The following FHOD3 variants were observed in gnomAD, a reference collection of about 807,000 sequenced individuals.
FHOD3 encodes formin homology 2 domain containing 3, also known as FH1/FH2 domain-containing protein 3.
A neutral mutation model predicts 173.0 loss-of-function variants in FHOD3; 90 were observed. That is an observed-to-expected ratio of 0.52 (90% CI 0.44 to 0.62). The LOEUF (loss-of-function observed/expected upper bound fraction) is 0.62, where lower values mean the gene tolerates loss of function less well. FHOD3 is among the 20% of genes least tolerant of loss of function. The probability of loss-of-function intolerance (pLI) is 0.00; values close to 1 mark genes in which losing one functional copy is unlikely to be tolerated. For synonymous variants in FHOD3, 828 were observed against 823.0 expected (o/e 1.01, Z -0.10); for missense variants, 1,945 against 2,034.7 (o/e 0.96, Z 0.85).
chr18:36,502,378 C>T (rs570044659), intron 4 of FHOD3, among the ~76,000 whole-genome samples: 2 of 152,100 alleles, frequency 1.3e-5, no homozygotes, highest in Non-Finnish European at 2.9e-5. Context: ...AGGTATTTCT[C>T]CTAATGCTAT....
At position 36,652,740 on chromosome 18, in the gene FHOD3, C is replaced by G; in HGVS notation, c.1457C>G (p.Ser486Cys). The change falls in exon 12 of 29, where the codon TCT (serine) becomes TGT (cysteine). Residue 486 changes from serine to cysteine, a missense_variant. Ser to Cys is a moderately radical substitution (Grantham distance 112, BLOSUM62 -1). This residue lies in a region of FHOD3 where 1,099 missense variants were observed against 1,051.2 expected (regional missense o/e 1.05). Coordinates refer to ENST00000590592, the MANE Select transcript of FHOD3 (RefSeq NM_001281740.3). ...SGSSGSEATP[S>C]ALLSPPASAA... ...TCCTCTGGGTCTGAGGCCACCCCAT[C>G]TGCCCTCCTGTCACCCCCTGCCTCA... 3 of 1,535,920 alleles carry G rather than the reference C, an allele frequency of 2.0e-6. No homozygotes were observed. Among genetic ancestry groups the G allele is most frequent in the Admixed American group, 2.0e-5 (1 of 50,992 alleles).
chr18:36,724,077 T>A (rs1307415744), intron 19 of FHOD3, among the ~76,000 whole-genome samples: 1 of 152,170 alleles, frequency 6.6e-6, no homozygotes, highest in African/African-American at 2.4e-5. Flanking sequence ...CAAGTTTGAG[T>A]CTTTACTTGC....
intron 4 of FHOD3, among the ~76,000 whole-genome samples, chr18:36,508,567 A>G (rs1326341116): frequency 6.6e-6 from 1 of 151,916 alleles, no homozygotes. Flanking sequence ...TAAGGGTGAT[A>G]ATTGCACTGG....
chr18:36,391,301 G>A (rs1164268902), intron 3 of FHOD3, among the ~76,000 whole-genome samples: 1 of 152,136 alleles, frequency 6.6e-6, no homozygotes, highest in Admixed American at 6.5e-5. Context: ...CATGGAACAG[G>A]GAGAGGCCAT....
At chr18:36,574,234 T>C (rs1269571153) in intron 5 of FHOD3, among the ~76,000 whole-genome samples, 1 of 152,238 alleles carries the variant, frequency 6.6e-6, no homozygotes, top group Non-Finnish European at 1.5e-5. Flanking sequence ...CCACCAGCAA[T>C]GCATGAAGTT....
rs111840348 is a variant in FHOD3 at position 36,703,996 on chromosome 18, C to G, written c.2237-5099C>G. On this transcript the variant is annotated intron_variant, in intron 17 of 28. Coordinates refer to ENST00000590592, the MANE Select transcript of FHOD3 (RefSeq NM_001281740.3). ...AAGAATTCCTTTTAGTGGCTGTGTT[C>G]TGGTTATGGGTCCTTCCCCACAGGG... is the stretch of plus-strand genomic sequence containing the variant. Among the ~76,000 whole-genome samples the G allele has an allele frequency of 9.9e-4, 151 of 152,240 alleles. 1 individual carries two copies. Among genetic ancestry groups the G allele is most frequent in the African/African-American group, 3.5e-3 (146 of 41,526 alleles).
chr18:36,767,839 T>C (rs924420858), intron 27 of FHOD3, among the ~76,000 whole-genome samples: 5 of 152,130 alleles, frequency 3.3e-5, no homozygotes, highest in Non-Finnish European at 2.9e-5. Context: ...CACACACATA[T>C]ATATGAAAAT....
intron 2 of FHOD3, among the ~76,000 whole-genome samples, chr18:36,365,594 A>T (rs773504989): frequency 3.3e-5 from 5 of 152,168 alleles, no homozygotes; most frequent in Non-Finnish European, 5.9e-5. Flanking sequence ...AAAAAGTTAG[A>T]TTGTAATGAC....
At chr18:36,489,116 G>A (rs1480120135) in intron 3 of FHOD3, among the ~76,000 whole-genome samples, 11 of 152,140 alleles carry the variant, frequency 7.2e-5, no homozygotes, top group Admixed American at 7.2e-4. Flanking sequence ...CCTTGAGCTA[G>A]GGTGGTTTTT....
chr18:36,735,221 T>C (rs950760461), intron 20 of FHOD3, among the ~76,000 whole-genome samples: 4 of 152,162 alleles, frequency 2.6e-5, no homozygotes, highest in African/African-American at 7.2e-5. Context: ...GAAGTTTTCT[T>C]TGGCCACAGA....
chr18:36,459,282 A>G (rs1202751450), intron 3 of FHOD3, among the ~76,000 whole-genome samples: 1 of 152,234 alleles, frequency 6.6e-6, no homozygotes, highest in African/African-American at 2.4e-5. Context: ...GAGTAAGGCA[A>G]CTATGACAAA....
intron 21 of FHOD3, among the ~76,000 whole-genome samples, chr18:36,742,076 T>C (rs2041928353): frequency 6.6e-6 from 1 of 151,976 alleles, no homozygotes; most frequent in Non-Finnish European, 1.5e-5. Context: ...CTGGAGAAAC[T>C]GAAGCTGGAT....
intron 3 of FHOD3, among the ~76,000 whole-genome samples, chr18:36,495,618 AT>A (rs984054030): frequency 8.5e-5 from 13 of 152,192 alleles, no homozygotes; most frequent in African/African-American, 3.1e-4. Flanking sequence ...GCACACTTGA[AT>A]TCCTTTCCTT....
chr18:36,558,024 A>G (rs530610589), intron 5 of FHOD3, among the ~76,000 whole-genome samples: 1 of 152,324 alleles, frequency 6.6e-6, no homozygotes, highest in East Asian at 1.9e-4. Flanking sequence ...TGGTGGGAAT[A>G]GCTGTGTATG....
chr18:36,503,767 T>C (rs2055156704), intron 4 of FHOD3, among the ~76,000 whole-genome samples: 1 of 152,376 alleles, frequency 6.6e-6, no homozygotes, highest in East Asian at 1.9e-4. Context: ...TGTTGCCTTC[T>C]GGGTTACGTC....
At chr18:36,393,373 T>G (rs1381533855) in intron 3 of FHOD3, among the ~76,000 whole-genome samples, 1 of 152,144 alleles carries the variant, frequency 6.6e-6, no homozygotes, top group Non-Finnish European at 1.5e-5. Context: ...GGCCAACACT[T>G]CTTTTTTGGT....
chr18:36,476,706 A>G (rs1383710834), intron 3 of FHOD3, among the ~76,000 whole-genome samples: 3 of 152,234 alleles, frequency 2.0e-5, no homozygotes. Flanking sequence ...TCTGGAAGCA[A>G]ATTGAATTAT....
At chr18:36,311,168 G>C (rs2092248061) in intron 1 of FHOD3, among the ~76,000 whole-genome samples, 1 of 151,814 alleles carries the variant, frequency 6.6e-6, no homozygotes, top group Non-Finnish European at 1.5e-5. Flanking sequence ...GATAGCATGG[G>C]AGGAGGAAGG....
At chr18:36,656,617 T>TA (rs968104030) in intron 13 of FHOD3, among the ~76,000 whole-genome samples, 17 of 152,318 alleles carry the variant, frequency 1.1e-4, no homozygotes, top group Admixed American at 2.0e-4. Context: ...TATTCTTTTT[T>TA]AAAAAATAGC....
Sources: allele counts gnomAD v4.1 joint callset (sites outside exome capture counted in the v4.1 genomes callset), GRCh38; gene constraint gnomAD v4.1.1; regional missense constraint gnomAD v4.1.1; transcripts MANE v1.5; gene names NCBI Gene and HGNC (gene_info 2026-07-23, HGNC 2026-07-21).